Variants in RREB1 observed in about 807,000 individuals in gnomAD.
RREB1 encodes the protein ras responsive element binding protein 1, also known as ras-responsive element-binding protein 1.
A neutral mutation model predicts 117.8 loss-of-function variants in RREB1; 27 were observed. That is an observed-to-expected ratio of 0.23 (90% confidence interval 0.17 to 0.32). The LOEUF is 0.32. Ranked by LOEUF, RREB1 falls within the 10% of genes least tolerant of loss-of-function variation. The probability of loss-of-function intolerance (pLI) is 1.00; values close to 1 mark genes in which losing one functional copy is unlikely to be tolerated. For missense variants in RREB1, 2,577 were observed against 2,378.2 expected (o/e 1.08, Z -1.74); for synonymous variants, 1,298 against 1,026.7 (o/e 1.26, Z -5.05).
intron 12 of RREB1, 62 bp from the exon 13 acceptor site, chr6:7,248,449 G>T: frequency 7.1e-7 from 1 of 1,414,510 alleles, no homozygotes; most frequent in South Asian, 1.2e-5. Context: ...CCTGTGCAGA[G>T]CAGGGTGCAG....
intron 1 of RREB1, among the ~76,000 whole-genome samples, chr6:7,132,060 G>A (rs889310813): frequency 2.6e-5 from 4 of 151,656 alleles, no homozygotes; most frequent in Admixed American, 2.6e-4. Context: ...GGTTTTTTTG[G>A]TTTGTTTGTT....
chr6:7,182,329 G>C (rs1764852979), intron 4 of RREB1, among the ~76,000 whole-genome samples: 1 of 152,178 alleles, frequency 6.6e-6, no homozygotes, highest in South Asian at 2.1e-4. Flanking sequence ...CCCACCATTG[G>C]ATTTTAACTC....
chr6:7,250,170 C>CACATTACT lies in RREB1; in HGVS notation c.*1203_*1210dup, dbSNP rs1273782418. The CACATTACT allele has an allele frequency of 6.6e-6, 1 of 152,352 alleles. No individual in the cohort carries two copies. The highest frequency in any genetic ancestry group is 2.4e-5 in the African/African-American group (1 of 41,366). 9.4% of individuals were successfully genotyped at this position (152,352 alleles called of 1,614,324 possible). ...GCAAAGCAGTGACCCAGTGACCAGG[C>CACATTACT]ACATTACTCGTGAGCGAGGTATTCC... On this transcript the variant is annotated 3_prime_UTR_variant, in exon 13 of 13. Transcript: ENST00000379938.
intron 9 of RREB1, 53 bp downstream of exon 9, chr6:7,226,709 CAGTT>C (rs1767607061): frequency 1.5e-6 from 2 of 1,359,034 alleles, no homozygotes; most frequent in African/African-American, 1.5e-5. Context: ...ATGGTCCACA[CAGTT>C]AGACCATGGG....
At chr6:7,245,530 C>CT (rs996214841) in intron 11 of RREB1, among the ~76,000 whole-genome samples, 4 of 152,142 alleles carry the variant, frequency 2.6e-5, no homozygotes, top group African/African-American at 9.7e-5. Flanking sequence ...AAGAGAAGGC[C>CT]TTTTGACACT....
chr6:7,192,237 G>C (rs2326882), intron 6 of RREB1, among the ~76,000 whole-genome samples: 3,066 of 149,490 alleles, frequency 0.021, 109 homozygotes, highest in African/African-American at 0.071. Context: ...CTTTCACCCA[G>C]GTCAGAGTGC....
chr6:7,182,436 T>C (rs985355786), intron 4 of RREB1, among the ~76,000 whole-genome samples: 3 of 152,200 alleles, frequency 2.0e-5, no homozygotes, highest in Non-Finnish European at 4.4e-5. Flanking sequence ...TTTAAGTATC[T>C]TCAGATTAGG....
At chr6:7,246,001 T>C (rs1383405772) in intron 11 of RREB1, among the ~76,000 whole-genome samples, 1 of 152,172 alleles carries the variant, frequency 6.6e-6, no homozygotes, top group Non-Finnish European at 1.5e-5. Context: ...GTATGTTGCA[T>C]GTTTGTATGA....
At position 7,231,601 on chromosome 6, in the gene RREB1, G is replaced by A. The variant is rs373803199; in HGVS notation, c.3502G>A (p.Gly1168Ser). 144 of 1,611,580 alleles carry A rather than the reference G, an allele frequency of 8.9e-5. No individual in the cohort carries two copies. Among genetic ancestry groups the A allele is most frequent in the Non-Finnish European group, 1.0e-4 (122 of 1,179,502 alleles). The change falls in exon 10 of 13, where the codon GGC becomes AGC. Residue 1168 changes from glycine (G) to serine (S), a missense_variant. By Grantham distance (56) the Gly-to-Ser change is moderately conservative. Coordinates refer to ENST00000379938, the MANE Select transcript of RREB1 (RefSeq NM_001003699.4). ...GMRSRPRANSGGVDLDSSGEF... is the reference protein window; with the variant it reads ...GMRSRPRANSSGVDLDSSGEF... ...GAGGAGCCGACCCCGCGCCAACAGC[G>A]GCGGGGTGGACCTGGACTCCAGCGG...
chr6:7,118,650 AAAG>A (rs749261023), intron 1 of RREB1, among the ~76,000 whole-genome samples: 2 of 152,150 alleles, frequency 1.3e-5, no homozygotes, highest in Non-Finnish European at 2.9e-5. Context: ...TAAATCATGA[AAAG>A]AAGGTTTCTG....
intron 1 of RREB1, among the ~76,000 whole-genome samples, chr6:7,153,413 T>TACAC (rs57110705): frequency 0.027 from 3,994 of 145,792 alleles, 92 homozygotes; most frequent in African/African-American, 0.064. Context: ...AGTAGTGGTA[T>TACAC]ACACACACAC....
intron 1 of RREB1, among the ~76,000 whole-genome samples, chr6:7,146,979 A>C (rs968373692): frequency 6.6e-6 from 1 of 152,142 alleles, no homozygotes; most frequent in Non-Finnish European, 1.5e-5. Context: ...TCTTAACATC[A>C]CATGCATTTT....
rs112495623 is a variant in RREB1, at chr6:7,246,781, A to G, written c.4331A>G (p.Gln1444Arg). ...GEAGAGGAAS[Q>R]EQKLACDTCG... is the part of the protein sequence containing the mutation. ...GCAGGCGCCGGGGGCGCGGCCTCGC[A>G]GGAGCAGAAGCTCGCCTGCGACACC... Residue 1444 changes from glutamine (Q) to arginine (R), a missense_variant, in exon 12 of 13, where the codon CAG becomes CGG. By Grantham distance (43) the Gln-to-Arg change is conservative. Transcript: ENST00000379938. 1.9e-6 allele frequency: 3 copies of G among 1,550,424 alleles called. No individual in the cohort carries two copies. Among genetic ancestry groups the G allele is most frequent in the African/African-American group, 1.4e-5 (1 of 72,846 alleles).
chr6:7,240,416 TA>T, intron 10 of RREB1, 21 bp from the exon 11 acceptor site: 1 of 1,594,874 alleles, frequency 6.3e-7, no homozygotes, highest in Non-Finnish European at 8.6e-7. Context: ...CAGATAAATA[TA>T]TATTTTTTTT....
intron 1 of RREB1, among the ~76,000 whole-genome samples, chr6:7,153,890 C>G (rs1763242429): frequency 6.6e-6 from 1 of 152,198 alleles, no homozygotes; most frequent in Non-Finnish European, 1.5e-5. Flanking sequence ...CTGCTCTTGT[C>G]TTATAGCTAC....
chr6:7,191,003 T>C (rs1290607768), intron 6 of RREB1, among the ~76,000 whole-genome samples: 1 of 152,224 alleles, frequency 6.6e-6, no homozygotes, highest in Non-Finnish European at 1.5e-5. Context: ...ACTGTGATCC[T>C]CCATGAGACA....
chr6:7,213,614 G>C (rs1321732155), intron 8 of RREB1: 4 of 152,110 alleles, frequency 2.6e-5, no homozygotes, highest in Non-Finnish European at 2.9e-5. Flanking sequence ...GTGGGCTTGT[G>C]GTGGGTGGCA....
intron 6 of RREB1, among the ~76,000 whole-genome samples, chr6:7,209,758 A>G (rs1766480853): frequency 6.6e-6 from 1 of 152,102 alleles, no homozygotes; most frequent in Non-Finnish European, 1.5e-5. Flanking sequence ...CTAAAAAGAG[A>G]GCAGAACTTC....
rs761936650 is a variant in RREB1, at chr6:7,248,508, C to CT, written c.4772-3_4772-2insT. On this transcript the variant is annotated splice_polypyrimidine_tract_variant and splice_region_variant and intron_variant, in intron 12 of 12. Coordinates refer to ENST00000379938, the MANE Select transcript of RREB1 (RefSeq NM_001003699.4). ...ATGGAAATTCTTTCTTCCATTGTTC[C>CT]AGGGGAAAGGCCATACAAATGTCAG... 6.2e-7 allele frequency: 1 copy of CT among 1,613,388 alleles called. No homozygotes were observed. The highest frequency in any genetic ancestry group is 1.7e-5 in the Admixed American group (1 of 60,014).
Sources: gnomAD v4.1 joint callset for allele counts (sites outside exome capture counted in the v4.1 genomes callset) on GRCh38, gnomAD v4.1.1 for gene constraint, MANE v1.5 for transcripts, NCBI Gene and HGNC (gene_info 2026-07-23, HGNC 2026-07-21) for gene names.